Variants in RIC3 observed in about 807,000 individuals in gnomAD.
The protein encoded by RIC3 is protein RIC-3.
RIC3 carries 28 observed loss-of-function variants against 27.3 expected under a neutral mutation model. The observed-to-expected ratio is 1.02, with a 90% CI of 0.76 to 1.41. The LOEUF is 1.41. Ranked by LOEUF, RIC3 falls within the 40% of genes most tolerant of loss-of-function variation. The probability of loss-of-function intolerance (pLI) is 0.00; values close to 1 mark genes in which losing one functional copy is unlikely to be tolerated. For synonymous variants in RIC3, 184 were observed against 160.4 expected, an observed-to-expected ratio of 1.15 and a Z score of -1.11; for missense variants, 501 against 444.7, an observed-to-expected ratio of 1.13 and a Z score of -1.14.
At chr11:8,112,321 G>A (rs1945372714) in intron 5 of RIC3, among the ~76,000 whole-genome samples, 2 of 142,448 alleles carry the variant, frequency 1.4e-5, no homozygotes, top group South Asian at 2.2e-4. Flanking sequence ...ACGGAGTCTC[G>A]CTCTGTCGCC....
At chr11:8,138,721 A>G (rs1948692336) in intron 2 of RIC3, 1 of 226,088 alleles carries the variant, frequency 4.4e-6, no homozygotes, top group South Asian at 8.3e-5. Flanking sequence ...TTTAGCCTAA[A>G]TATTTGCCCT....
the RIC3 span, chr11:8,096,886 G>T: frequency 2.0e-6 from 3 of 1,517,082 alleles, no homozygotes; most frequent in Non-Finnish European, 2.7e-6. Flanking sequence ...TGAAGAGATG[G>T]ACTCGTATGC....
At chr11:8,164,694 C>T (rs1951507003) in intron 1 of RIC3, among the ~76,000 whole-genome samples, 1 of 147,882 alleles carries the variant, frequency 6.8e-6, no homozygotes, top group Admixed American at 6.9e-5. Flanking sequence ...GGGAGAATCA[C>T]TTGAGCCCAG....
At chr11:8,114,604 C>T (rs1179901146) in intron 5 of RIC3, among the ~76,000 whole-genome samples, 2 of 46,746 alleles carry the variant, frequency 4.3e-5, no homozygotes, top group Non-Finnish European at 1.1e-4. Flanking sequence ...AAAACTCCAT[C>T]TCAAAAAAAA....
chr11:8,162,984 C>T (rs929591713), intron 1 of RIC3, among the ~76,000 whole-genome samples: 1 of 149,384 alleles, frequency 6.7e-6, no homozygotes, highest in Non-Finnish European at 1.5e-5. Context: ...TTTCTTCTAC[C>T]TAGAATGCCC....
chr11:8,110,941 T>C lies in RIC3; in HGVS notation c.867A>G (p.Glu289=), dbSNP rs1945179820. 1.2e-6 allele frequency: 2 copies of C among 1,614,210 alleles called. No individual in the cohort carries two copies. Among genetic ancestry groups the C allele is most frequent in the South Asian group, 2.2e-5 (2 of 91,072 alleles). ...GATCACACGAGGTAACAGAATTATC[T>C]TCCTGGGCTCTGGGGTCAGTGGGCA... ...ESLPTDPRAQ[E]DNSVTSCDPK... The change falls in exon 6 of 6, where the codon GAA becomes GAG. Residue 289 remains glutamate, a synonymous_variant. Transcript: ENST00000309737.
At chr11:8,137,542 T>C in intron 3 of RIC3, 71 bp from the exon 4 acceptor site, 1 of 1,216,080 alleles carries the variant, frequency 8.2e-7, no homozygotes, top group Admixed American at 1.9e-5. Context: ...ACCACAAATT[T>C]TTAAAAAGCT....
chr11:8,102,698 G>A (rs1944357756), downstream of RIC3: 1 of 152,214 alleles, frequency 6.6e-6, no homozygotes, highest in Non-Finnish European at 1.5e-5. Flanking sequence ...ATGGGACAGG[G>A]TGAATAAAGC....
chr11:8,093,245 G>T, the RIC3 span, among the ~76,000 whole-genome samples: 1 of 152,042 alleles, frequency 6.6e-6, no homozygotes, highest in African/African-American at 2.4e-5. Context: ...GATCACTGAG[G>T]GGGGCGAGGG....
intron 4 of RIC3, among the ~76,000 whole-genome samples, chr11:8,127,469 G>A (rs190767289): frequency 1.2e-4 from 18 of 152,292 alleles, no homozygotes; most frequent in East Asian, 9.6e-4. Context: ...TGCATTCTGC[G>A]CAATTCTTGA....
chr11:8,155,508 G>A (rs542660989), intron 1 of RIC3, among the ~76,000 whole-genome samples: 30 of 152,218 alleles, frequency 2.0e-4, no homozygotes, highest in African/African-American at 6.5e-4. Context: ...CCCGGGAGGC[G>A]GAGGTTGCAG....
intron 1 of RIC3, among the ~76,000 whole-genome samples, chr11:8,149,156 G>A (rs1348234719): frequency 6.6e-6 from 1 of 151,636 alleles, no homozygotes; most frequent in Non-Finnish European, 1.5e-5. Context: ...TCGCACCACT[G>A]CACTCCAGCC....
At chr11:8,128,166 G>A in intron 4 of RIC3, 1 of 457,034 alleles carries the variant, frequency 2.2e-6, no homozygotes, top group East Asian at 7.0e-5. Context: ...ATTTCTTACT[G>A]TTAAAACAAC....
intron 1 of RIC3, among the ~76,000 whole-genome samples, chr11:8,140,826 G>C (rs1014960205): frequency 1.1e-4 from 17 of 151,908 alleles, no homozygotes; most frequent in African/African-American, 4.1e-4. Context: ...GACTAACAGC[G>C]GATCTCTCGG....
Position 8,110,566 on chromosome 11 carries a change from C to T in RIC3, c.*132G>A. The T allele has an allele frequency of 1.2e-6, 1 of 813,270 alleles. No individual in the cohort carries two copies. The allele number at this position is 813,270 out of a possible 1,614,324, so 50.4% of individuals were successfully genotyped here. A position where few individuals can be genotyped will look rare whatever the true frequency, so the allele number is the denominator to read the frequency against. ...AGCACCAGGAAGGATACATGATATC[C>T]ATGATAGTGGCCTGATAGCTATGAC... is the stretch of plus-strand genomic sequence containing the variant. On this transcript the variant is annotated 3_prime_UTR_variant, in exon 6 of 6. Transcript: ENST00000309737.
At chr11:8,140,848 C>T (rs979702950) in intron 1 of RIC3, among the ~76,000 whole-genome samples, 1 of 151,980 alleles carries the variant, frequency 6.6e-6, no homozygotes, top group African/African-American at 2.4e-5. Flanking sequence ...AGAAACCCTA[C>T]AAGCCAGAAG....
chr11:8,161,969 A>G (rs1481550052), intron 1 of RIC3, among the ~76,000 whole-genome samples: 8 of 92,654 alleles, frequency 8.6e-5, no homozygotes, highest in African/African-American at 3.2e-4. Flanking sequence ...GCTATAAATG[A>G]GACACTCACT....
chr11:8,100,997 C>T, the RIC3 span: 24 of 1,613,994 alleles, frequency 1.5e-5, no homozygotes, highest in East Asian at 2.2e-5. Flanking sequence ...TGGCAATGAC[C>T]GTGAGTGTTT....
At chr11:8,136,160 G>A (rs74052539) in intron 4 of RIC3, among the ~76,000 whole-genome samples, 7,260 of 152,182 alleles carry the variant, frequency 0.048, 262 homozygotes, top group African/African-American at 0.1. Flanking sequence ...ACGTTGCAGG[G>A]AAATGCCAGG....
Sources: gnomAD v4.1 joint callset for allele counts (sites outside exome capture counted in the v4.1 genomes callset) on GRCh38, gnomAD v4.1.1 for gene constraint, MANE v1.5 for transcripts, NCBI Gene and HGNC (gene_info 2026-07-23, HGNC 2026-07-21) for gene names.